Variants in DTWD2 observed in about 807,000 individuals in gnomAD.
DTWD2 encodes the protein tRNA-uridine aminocarboxypropyltransferase 2.
In DTWD2, 39 loss-of-function variants were observed where a neutral mutation model predicts 31.8. The observed-to-expected ratio is 1.22, with a 90% CI of 0.95 to 1.60. The LOEUF (loss-of-function observed/expected upper bound fraction) is 1.60, where lower values mean the gene tolerates loss of function less well. DTWD2 is among the 40% of genes most tolerant of loss of function. DTWD2 has a pLI of 0.00. For synonymous variants in DTWD2, 180 were observed against 142.8 expected (o/e 1.26, Z -1.86); for missense variants, 515 against 381.5 (o/e 1.35, Z -2.92).
At chr5:118,924,709 G>A (rs1191815352) in intron 4 of DTWD2, among the ~76,000 whole-genome samples, 1 of 152,104 alleles carries the variant, frequency 6.6e-6, no homozygotes, top group Non-Finnish European at 1.5e-5. Flanking sequence ...CACTACAATT[G>A]CCACTATCAT....
chr5:118,924,091 AAG>A (rs1344261392), intron 4 of DTWD2, among the ~76,000 whole-genome samples: 1 of 152,168 alleles, frequency 6.6e-6, no homozygotes, highest in Admixed American at 6.5e-5. Flanking sequence ...GTTGATTCTC[AAG>A]AGTCTTCCAA....
intron 4 of DTWD2, among the ~76,000 whole-genome samples, chr5:118,874,208 G>A (rs899294478): frequency 2.0e-5 from 3 of 152,140 alleles, no homozygotes; most frequent in Non-Finnish European, 4.4e-5. Flanking sequence ...ATCCAAGGGT[G>A]AGCAATCTCA....
chr5:118,985,517 T>TATATATACATAC (rs1554072595), intron 1 of DTWD2, among the ~76,000 whole-genome samples: 1 of 107,728 alleles, frequency 9.3e-6, no homozygotes, highest in Admixed American at 9.6e-5. Flanking sequence ...TATATATATA[T>TATATATACATAC]ACACACACAT....
intron 4 of DTWD2, among the ~76,000 whole-genome samples, chr5:118,868,961 T>C (rs1315064261): frequency 1.3e-5 from 2 of 151,918 alleles, no homozygotes; most frequent in Admixed American, 1.3e-4. Flanking sequence ...AAGACTAATA[T>C]TGTATAATTC....
At chr5:118,912,114 C>T (rs533070340) in intron 4 of DTWD2, among the ~76,000 whole-genome samples, 3 of 152,264 alleles carry the variant, frequency 2.0e-5, no homozygotes, top group East Asian at 3.9e-4. Context: ...AGAGACATAA[C>T]GTAAGCTAGC....
chr5:118,974,806 T>TA, intron 1 of DTWD2: 1 of 385,054 alleles, frequency 2.6e-6, no homozygotes. Context: ...TGAGTTGTTC[T>TA]AACAAAAAAA....
chr5:118,906,061 T>C (rs1753326021), intron 4 of DTWD2, among the ~76,000 whole-genome samples: 1 of 152,140 alleles, frequency 6.6e-6, no homozygotes, highest in African/African-American at 2.4e-5. Flanking sequence ...AATGTACACT[T>C]CACCAAAGAT....
chr5:118,952,502 G>T (rs888896462), intron 1 of DTWD2, among the ~76,000 whole-genome samples: 2 of 152,116 alleles, frequency 1.3e-5, no homozygotes, highest in Admixed American at 6.5e-5. Context: ...CTCAGTGGGG[G>T]AGCGTCTGAG....
chr5:118,968,946 T>C (rs1050658697), intron 1 of DTWD2, among the ~76,000 whole-genome samples: 2 of 152,014 alleles, frequency 1.3e-5, no homozygotes, highest in Non-Finnish European at 2.9e-5. Flanking sequence ...CTGAGGGGCT[T>C]GGGAGTGGGG....
intron 4 of DTWD2, among the ~76,000 whole-genome samples, chr5:118,884,427 A>G (rs1752810455): frequency 6.6e-6 from 1 of 152,236 alleles, no homozygotes; most frequent in Non-Finnish European, 1.5e-5. Flanking sequence ...ACACTAGAAG[A>G]TAATTCCATG....
chr5:118,836,257 T>G lies in DTWD2; in HGVS notation c.*4660A>C, dbSNP rs572364108. ...TATTTTTATTTATTTATTTATTTAT[T>G]TGAGACACTGTCTCACTCTGTCGCC... is the stretch of plus-strand genomic sequence containing the variant. On this transcript the variant is annotated 3_prime_UTR_variant, in exon 6 of 6. Transcript: ENST00000510708. 1.6e-4 allele frequency among the ~76,000 whole-genome samples: 24 copies of G among 152,304 alleles called. No individual in the cohort carries two copies. In the East Asian group the frequency reaches 4.6e-3, roughly 29 times the overall value.
At chr5:118,951,419 A>G (rs1240370082) in intron 1 of DTWD2, among the ~76,000 whole-genome samples, 2 of 152,190 alleles carry the variant, frequency 1.3e-5, no homozygotes, top group African/African-American at 4.8e-5. Flanking sequence ...ATTTGGGACG[A>G]GTTGCATTGG....
chr5:118,927,491 T>G (rs1182032058), intron 4 of DTWD2, among the ~76,000 whole-genome samples: 3 of 152,060 alleles, frequency 2.0e-5, no homozygotes, highest in African/African-American at 7.2e-5. Context: ...TTGAATCTGT[T>G]TGTGTAAAAA....
Position 118,956,433 on chromosome 5 carries a change from A to C in DTWD2, c.219-11784T>G, listed in dbSNP as rs187751684. The stretch of plus-strand genomic sequence containing the variant: ...AATACATGGGCTTCCTGTCAGACTA[A>C]GACTGACTTGCTTCCTAAACAAATG... On this transcript the variant is annotated intron_variant, in intron 1 of 5. Transcript: ENST00000510708. Among the ~76,000 whole-genome samples, 82 of 152,314 alleles carry C rather than the reference A, an allele frequency of 5.4e-4. 1 individual carries two copies. Among genetic ancestry groups the C allele is most frequent in the African/African-American group, 1.9e-3 (78 of 41,566 alleles).
chr5:118,962,245 A>G (rs1754723310), intron 1 of DTWD2, among the ~76,000 whole-genome samples: 1 of 152,336 alleles, frequency 6.6e-6, no homozygotes, highest in Admixed American at 6.5e-5. Context: ...TCTCAAAAAA[A>G]AAGAAAATTA....
At chr5:118,923,499 A>G (rs1327351105) in intron 4 of DTWD2, among the ~76,000 whole-genome samples, 1 of 152,174 alleles carries the variant, frequency 6.6e-6, no homozygotes, top group Admixed American at 6.5e-5. Context: ...AACACACTGC[A>G]TGAGCTCCAA....
intron 4 of DTWD2, among the ~76,000 whole-genome samples, chr5:118,880,463 C>T (rs905625845): frequency 1.7e-4 from 26 of 152,102 alleles, no homozygotes. Flanking sequence ...ATTCTGGGCA[C>T]AACAAAACCG....
At chr5:118,895,685 C>T (rs1753069977) in intron 4 of DTWD2, among the ~76,000 whole-genome samples, 1 of 152,108 alleles carries the variant, frequency 6.6e-6, no homozygotes, top group African/African-American at 2.4e-5. Flanking sequence ...GAACAGAATA[C>T]AGTACCCAGA....
intron 4 of DTWD2, among the ~76,000 whole-genome samples, chr5:118,894,505 T>C (rs890460734): frequency 3.9e-5 from 6 of 152,202 alleles, no homozygotes; most frequent in Admixed American, 2.6e-4. Flanking sequence ...AAGACAGATA[T>C]ATAAATAAAT....
Sources: allele counts gnomAD v4.1 joint callset (sites outside exome capture counted in the v4.1 genomes callset), GRCh38; gene constraint gnomAD v4.1.1; transcripts MANE v1.5; gene names NCBI Gene and HGNC (gene_info 2026-07-23, HGNC 2026-07-21).